Variants in COMMD1 observed in about 807,000 individuals in gnomAD.
The protein encoded by COMMD1 is copper metabolism domain containing 1.
COMMD1 carries 10 observed loss-of-function variants against 17.2 expected under a neutral mutation model. The ratio of observed to expected loss-of-function variants is 0.58; its 90% CI spans 0.36 to 0.99. The LOEUF (loss-of-function observed/expected upper bound fraction) is 0.99. Among genes scored for constraint, COMMD1 ranks in the 50% least tolerant of loss-of-function variants. The pLI is 0.01. For missense variants in COMMD1, 270 were observed against 231.8 expected (o/e 1.17, Z -1.07); for synonymous variants, 97 against 91.6 (o/e 1.06, Z -0.34).
chr2:62,010,673 A>G (rs555902300), intron 2 of COMMD1, among the ~76,000 whole-genome samples: 3 of 152,048 alleles, frequency 2.0e-5, no homozygotes, highest in Non-Finnish European at 4.4e-5. Context: ...CTTCCAGTTC[A>G]TATCTTTTTG....
intron 1 of COMMD1, among the ~76,000 whole-genome samples, chr2:61,944,311 G>T (rs917909086): frequency 1.3e-5 from 2 of 151,986 alleles, no homozygotes; most frequent in Admixed American, 1.3e-4. Flanking sequence ...AATGAGCTGG[G>T]TATGGTGGCA....
intron 1 of COMMD1, among the ~76,000 whole-genome samples, chr2:61,947,640 G>A (rs978562517): frequency 2.0e-5 from 3 of 151,834 alleles, no homozygotes; most frequent in African/African-American, 4.8e-5. Context: ...CCAAGATCGC[G>A]CCACTGCACT....
chr2:61,935,047 T>C (rs1191269493), intron 1 of COMMD1, among the ~76,000 whole-genome samples: 1 of 152,186 alleles, frequency 6.6e-6, no homozygotes, highest in Non-Finnish European at 1.5e-5. Flanking sequence ...GTGGCCATAA[T>C]GGTTGTATTA....
chr2:62,055,228 TC>T (rs1244409676), intron 2 of COMMD1, among the ~76,000 whole-genome samples: 1 of 152,174 alleles, frequency 6.6e-6, no homozygotes, highest in Non-Finnish European at 1.5e-5. Flanking sequence ...ATTTACCACT[TC>T]CATCTGGGCC....
At chr2:61,923,509 A>G (rs1006615135) in intron 1 of COMMD1, among the ~76,000 whole-genome samples, 7 of 152,074 alleles carry the variant, frequency 4.6e-5, no homozygotes, top group African/African-American at 1.4e-4. Flanking sequence ...CTTTTAAGTT[A>G]GGAGTAGGAA....
intron 2 of COMMD1, among the ~76,000 whole-genome samples, chr2:62,116,465 A>G (rs1298843870): frequency 2.4e-4 from 37 of 152,244 alleles, no homozygotes; most frequent in South Asian, 2.1e-4. Context: ...TGAGGTCAGG[A>G]GTTCAAGACC....
chr2:61,889,751 G>T (rs1013468716), intron 1 of COMMD1, among the ~76,000 whole-genome samples: 62 of 151,932 alleles, frequency 4.1e-4, no homozygotes, highest in African/African-American at 1.4e-3. Context: ...AATCAGGTCT[G>T]TCTAGTTACC....
intron 2 of COMMD1, among the ~76,000 whole-genome samples, chr2:62,063,648 T>C (rs1184667688): frequency 1.3e-5 from 2 of 152,042 alleles, no homozygotes; most frequent in African/African-American, 4.8e-5. Context: ...TGGGTACTTT[T>C]GACCTGCATG....
At chr2:62,076,903 G>A (rs1209276331) in intron 2 of COMMD1, among the ~76,000 whole-genome samples, 1 of 152,140 alleles carries the variant, frequency 6.6e-6, no homozygotes, top group South Asian at 2.1e-4. Context: ...AGGCCAAGGC[G>A]GGAGGATCAT....
At chr2:62,033,489 A>T (rs1399415989) in intron 2 of COMMD1, among the ~76,000 whole-genome samples, 1 of 152,154 alleles carries the variant, frequency 6.6e-6, no homozygotes, top group African/African-American at 2.4e-5. Context: ...CACGCCTGTA[A>T]TCCTAGCACT....
intron 2 of COMMD1, among the ~76,000 whole-genome samples, chr2:62,063,022 G>T (rs531685714): frequency 1.1e-4 from 17 of 151,818 alleles, no homozygotes; most frequent in Middle Eastern, 3.2e-3. Context: ...ATCGAGACCA[G>T]CCTGGCTAAC....
intron 1 of COMMD1, among the ~76,000 whole-genome samples, chr2:61,898,961 G>A (rs1190451192): frequency 6.6e-6 from 1 of 152,146 alleles, no homozygotes; most frequent in Admixed American, 6.6e-5. Context: ...TAAAAATGCA[G>A]CTGCTACCAA....
intron 1 of COMMD1, among the ~76,000 whole-genome samples, chr2:61,906,943 C>T (rs1392380294): frequency 6.6e-6 from 1 of 152,064 alleles, no homozygotes; most frequent in Non-Finnish European, 1.5e-5. Context: ...ATTTTGCCTA[C>T]AGGATTTGAA....
chr2:61,899,735 C>G (rs554397415), intron 1 of COMMD1, among the ~76,000 whole-genome samples: 1 of 152,182 alleles, frequency 6.6e-6, no homozygotes, highest in East Asian at 1.9e-4. Flanking sequence ...AGTACAGTGG[C>G]GTGATCCCAG....
At chr2:61,897,907 CATA>C (rs1669584514) in intron 1 of COMMD1, among the ~76,000 whole-genome samples, 1 of 152,020 alleles carries the variant, frequency 6.6e-6, no homozygotes, top group Non-Finnish European at 1.5e-5. Flanking sequence ...TTCATGCCTC[CATA>C]TATAGGGACG....
intron 2 of COMMD1, among the ~76,000 whole-genome samples, chr2:62,001,346 A>G (rs1018457576): frequency 2.6e-5 from 4 of 152,210 alleles, no homozygotes; most frequent in African/African-American, 7.2e-5. Context: ...AAACAACACA[A>G]TCTCATCCAG....
At chr2:61,906,618 A>G (rs1484705822) in intron 1 of COMMD1, among the ~76,000 whole-genome samples, 2 of 118,974 alleles carry the variant, frequency 1.7e-5, no homozygotes, top group African/African-American at 9.9e-5. Flanking sequence ...TTAGACCGAG[A>G]ACTAGTTATA....
intron 1 of COMMD1, among the ~76,000 whole-genome samples, chr2:61,954,500 C>G (rs1008692584): frequency 1.3e-5 from 2 of 152,118 alleles, no homozygotes; most frequent in Non-Finnish European, 2.9e-5. Flanking sequence ...TTGTGATAGT[C>G]ATGAAGTCTT....
chr2:62,133,961 T>A (rs550373343), intron 2 of COMMD1, among the ~76,000 whole-genome samples: 33 of 152,280 alleles, frequency 2.2e-4, no homozygotes, highest in South Asian at 8.3e-4. Flanking sequence ...CTGGCTTTTT[T>A]AAATTTTTTA....
Sources: allele counts gnomAD v4.1 joint callset (sites outside exome capture counted in the v4.1 genomes callset), GRCh38; gene constraint gnomAD v4.1.1; transcripts MANE v1.5; gene names NCBI Gene and HGNC (gene_info 2026-07-23, HGNC 2026-07-21).